FSTL5: variants seen among roughly 807,000 people sequenced by gnomAD.
FSTL5 encodes the protein follistatin like 5.
Under a neutral mutation model 89.1 loss-of-function variants are expected in FSTL5, and 62 were observed. That is an observed-to-expected ratio of 0.70 (90% confidence interval 0.57 to 0.86). The LOEUF is 0.86. Among genes scored for constraint, FSTL5 ranks in the 40% least tolerant of loss-of-function variants. The pLI is 0.00. For missense variants in FSTL5, 1,057 were observed against 1,001.6 expected (o/e 1.06, Z -0.75); for synonymous variants, 383 against 346.2 (o/e 1.11, Z -1.18).
chr4:161,902,019 G>C (rs1733381235), intron 4 of FSTL5, among the ~76,000 whole-genome samples: 1 of 152,034 alleles, frequency 6.6e-6, no homozygotes, highest in Admixed American at 6.6e-5. Flanking sequence ...GAACATTTTA[G>C]TTTTCTTCCA....
chr4:161,456,319 C>A (rs1241502398), intron 14 of FSTL5, among the ~76,000 whole-genome samples: 1 of 151,980 alleles, frequency 6.6e-6, no homozygotes, highest in East Asian at 1.9e-4. Context: ...ATGATAAATC[C>A]TTGAGAATCC....
chr4:161,787,876 T>C (rs1741959302), intron 4 of FSTL5, among the ~76,000 whole-genome samples: 1 of 152,206 alleles, frequency 6.6e-6, no homozygotes, highest in East Asian at 1.9e-4. Flanking sequence ...GTACTATGAA[T>C]AGTTGCTTTT....
At chr4:161,917,219 G>C (rs1057375749) in intron 4 of FSTL5, among the ~76,000 whole-genome samples, 1 of 152,152 alleles carries the variant, frequency 6.6e-6, no homozygotes, top group African/African-American at 2.4e-5. Flanking sequence ...GCCTCCCAAA[G>C]TCCTGGGATT....
At chr4:161,949,421 GTTTTAC>G (rs1734828137) in intron 3 of FSTL5, among the ~76,000 whole-genome samples, 1 of 151,886 alleles carries the variant, frequency 6.6e-6, no homozygotes, top group African/African-American at 2.4e-5. Flanking sequence ...ATTTTCTTTA[GTTTTAC>G]TTTAACATAC....
Position 161,448,864 on chromosome 4 carries a change from A to T in FSTL5, c.1841+6140T>A, listed in dbSNP as rs114911306. Among the ~76,000 whole-genome samples the T allele has an allele frequency of 5.2e-3, 787 of 152,224 alleles. 11 individuals carry two copies. The highest frequency in any genetic ancestry group is 0.018 in the African/African-American group (760 of 41,546). ...CCCTTGTCCTTTCCAGTCCATTCAA[A>T]TTGAAGAGTAACACTGAGGTCCACT... On this transcript the variant is annotated intron_variant, in intron 15 of 15. Coordinates refer to ENST00000306100, the MANE Select transcript of FSTL5 (RefSeq NM_020116.5).
intron 3 of FSTL5, among the ~76,000 whole-genome samples, chr4:162,019,710 T>C (rs1474014221): frequency 2.0e-5 from 3 of 151,640 alleles, no homozygotes; most frequent in East Asian, 3.9e-4. Flanking sequence ...AGTGGATTTC[T>C]TGGTTTTAGC....
At chr4:161,486,405 A>T (rs1206680789) in intron 12 of FSTL5, among the ~76,000 whole-genome samples, 1 of 152,148 alleles carries the variant, frequency 6.6e-6, no homozygotes, top group Admixed American at 6.5e-5. Context: ...GAGACAAAGG[A>T]GGGGAGAGAG....
At chr4:161,450,899 ACGCC>A (rs1733141470) in intron 15 of FSTL5, among the ~76,000 whole-genome samples, 1 of 151,536 alleles carries the variant, frequency 6.6e-6, no homozygotes, top group Non-Finnish European at 1.5e-5. Context: ...GCCCACCACC[ACGCC>A]TGGCTAATTT....
chr4:161,610,998 ATAAT>A (rs1734614822), intron 7 of FSTL5, among the ~76,000 whole-genome samples: 3 of 151,854 alleles, frequency 2.0e-5, no homozygotes, highest in Admixed American at 1.3e-4. Flanking sequence ...ACATGGATAT[ATAAT>A]TAATGGCAAC....
rs143330467 is a variant in FSTL5, at chr4:161,761,871, T to C, written c.607-2340A>G. On this transcript the variant is annotated intron_variant, in intron 5 of 15. Coordinates refer to ENST00000306100, the MANE Select transcript of FSTL5 (RefSeq NM_020116.5). ...TAAATATTTCAAATATTTGCTCTTT[T>C]ATCTCATTTAAGTGGGTCAATGAAA... is the stretch of plus-strand genomic sequence containing the variant. Among the ~76,000 whole-genome samples, 800 of 152,342 alleles carry C rather than the reference T, an allele frequency of 5.3e-3. 3 individuals carry two copies. The highest frequency in any genetic ancestry group is 8.4e-3 in the Non-Finnish European group (570 of 68,028).
intron 10 of FSTL5, among the ~76,000 whole-genome samples, chr4:161,531,759 A>G (rs1355863269): frequency 6.6e-6 from 1 of 152,182 alleles, no homozygotes; most frequent in African/African-American, 2.4e-5. Context: ...ATTTGAATGC[A>G]TAAAAATGGA....
At chr4:161,916,862 G>C (rs192470968) in intron 4 of FSTL5, among the ~76,000 whole-genome samples, 1 of 152,170 alleles carries the variant, frequency 6.6e-6, no homozygotes, top group East Asian at 1.9e-4. Flanking sequence ...ATTTTATATA[G>C]AAATGTAGAT....
intron 7 of FSTL5, among the ~76,000 whole-genome samples, chr4:161,636,090 C>CAA (rs34996065): frequency 1.1e-3 from 142 of 129,362 alleles, no homozygotes; most frequent in African/African-American, 1.4e-3. Context: ...TAATTGACAG[C>CAA]AAAAAAAAAA....
At chr4:161,797,252 T>C (rs954611581) in intron 4 of FSTL5, among the ~76,000 whole-genome samples, 1 of 151,656 alleles carries the variant, frequency 6.6e-6, no homozygotes, top group African/African-American at 2.4e-5. Context: ...CTTTTTTTAC[T>C]GGCTATTTTA....
At chr4:162,013,986 G>A (rs1169305450) in intron 3 of FSTL5, among the ~76,000 whole-genome samples, 1 of 152,076 alleles carries the variant, frequency 6.6e-6, no homozygotes, top group African/African-American at 2.4e-5. Flanking sequence ...ACTGTATGAG[G>A]GCAGCCAATG....
At chr4:161,918,811 T>A (rs1004631298) in intron 4 of FSTL5, among the ~76,000 whole-genome samples, 3 of 151,842 alleles carry the variant, frequency 2.0e-5, no homozygotes, top group Admixed American at 1.3e-4. Flanking sequence ...GCCCAGCTAA[T>A]TTTTGTATTT....
intron 15 of FSTL5, among the ~76,000 whole-genome samples, chr4:161,407,690 C>T (rs1171443886): frequency 1.3e-5 from 2 of 152,208 alleles, no homozygotes; most frequent in African/African-American, 2.4e-5. Flanking sequence ...CCCAGCTAAC[C>T]TCCAGGGAGA....
intron 4 of FSTL5, among the ~76,000 whole-genome samples, chr4:161,910,004 G>A (rs910676568): frequency 6.6e-6 from 1 of 152,078 alleles, no homozygotes; most frequent in African/African-American, 2.4e-5. Flanking sequence ...AATGAGCTTG[G>A]TATCTCATTT....
intron 2 of FSTL5, among the ~76,000 whole-genome samples, chr4:162,071,339 G>A (rs2111309749): frequency 6.6e-6 from 1 of 151,466 alleles, no homozygotes; most frequent in Non-Finnish European, 1.5e-5. Context: ...GCAAGCAGGA[G>A]TAACTATATT....
Sources: allele counts gnomAD v4.1 joint callset (sites outside exome capture counted in the v4.1 genomes callset), GRCh38; gene constraint gnomAD v4.1.1; transcripts MANE v1.5; gene names NCBI Gene and HGNC (gene_info 2026-07-23, HGNC 2026-07-21).